The following TRIQK variants were observed in gnomAD, a reference collection of about 807,000 sequenced individuals.
TRIQK encodes the protein triple QxxK/R motif-containing protein.
A neutral mutation model predicts 10.8 loss-of-function variants in TRIQK; 10 were observed. The observed-to-expected ratio is 0.92, with a 90% CI of 0.57 to 1.57. The LOEUF (loss-of-function observed/expected upper bound fraction) is 1.57, where lower values mean the gene tolerates loss of function less well. Among genes scored for constraint, TRIQK ranks in the 40% most tolerant of loss-of-function variants. The pLI is 0.00. For missense variants in TRIQK, 107 were observed against 97.7 expected, an observed-to-expected ratio of 1.09 and a Z score of -0.40; for synonymous variants, 33 against 33.7, an observed-to-expected ratio of 0.98 and a Z score of 0.07.
intron 1 of TRIQK, among the ~76,000 whole-genome samples, chr8:92,955,755 T>C (rs552507601): frequency 6.6e-6 from 1 of 151,942 alleles, no homozygotes; most frequent in South Asian, 2.1e-4. Flanking sequence ...AATTTTTAAA[T>C]GGGCAAAGTA....
intron 2 of TRIQK, among the ~76,000 whole-genome samples, chr8:92,950,904 A>G (rs1811862082): frequency 6.6e-6 from 1 of 152,110 alleles, no homozygotes; most frequent in South Asian, 2.1e-4. Flanking sequence ...CTCCATAGCC[A>G]TCAGGGATTG....
intron 1 of TRIQK, among the ~76,000 whole-genome samples, chr8:93,016,909 A>T (rs1813389236): frequency 6.6e-6 from 1 of 152,220 alleles, no homozygotes; most frequent in African/African-American, 2.4e-5. Context: ...TGGCATATGC[A>T]TATGATGTAA....
At chr8:92,919,150 T>C (rs966136149) in intron 2 of TRIQK, among the ~76,000 whole-genome samples, 3 of 151,856 alleles carry the variant, frequency 2.0e-5, no homozygotes, top group Non-Finnish European at 4.4e-5. Flanking sequence ...TGAAATCAGA[T>C]AGTGTGATTC....
At chr8:92,944,974 T>C (rs1383898274) in intron 2 of TRIQK, among the ~76,000 whole-genome samples, 1 of 152,124 alleles carries the variant, frequency 6.6e-6, no homozygotes, top group African/African-American at 2.4e-5. Context: ...CCTATAAATA[T>C]GTATATTTAT....
chr8:92,941,383 G>GA (rs1365288601), intron 2 of TRIQK: 4 of 151,946 alleles, frequency 2.6e-5, no homozygotes, highest in Non-Finnish European at 2.9e-5. Context: ...AGCCAAAAGG[G>GA]AAATTTAAAA....
intron 1 of TRIQK, among the ~76,000 whole-genome samples, chr8:92,981,773 A>G (rs1349572532): frequency 6.6e-6 from 1 of 151,774 alleles, no homozygotes; most frequent in Non-Finnish European, 1.5e-5. Context: ...AAGCTTTTCT[A>G]TTGCCAACGA....
chr8:92,911,902 C>CAT (rs3061292), intron 3 of TRIQK, among the ~76,000 whole-genome samples: 33,444 of 140,314 alleles, frequency 0.24, 4,485 homozygotes, highest in African/African-American at 0.38. Context: ...TGTGTGTAGA[C>CAT]ATATATATAT....
At chr8:92,925,303 G>A (rs1302286151) in intron 2 of TRIQK, among the ~76,000 whole-genome samples, 3 of 151,798 alleles carry the variant, frequency 2.0e-5, no homozygotes, top group African/African-American at 4.8e-5. Context: ...AAGTTACTAG[G>A]GAAAATATTA....
intron 1 of TRIQK, among the ~76,000 whole-genome samples, chr8:92,979,907 G>T (rs1812969288): frequency 1.3e-5 from 2 of 152,016 alleles, no homozygotes; most frequent in Non-Finnish European, 2.9e-5. Flanking sequence ...AATTATATAT[G>T]AAAGATAGAG....
intron 4 of TRIQK, among the ~76,000 whole-genome samples, chr8:92,891,446 C>G (rs2130261917): frequency 6.6e-6 from 1 of 151,946 alleles, no homozygotes; most frequent in South Asian, 2.1e-4. Flanking sequence ...TGTGTTAGCA[C>G]ATTAAATTAA....
upstream of TRIQK, among the ~76,000 whole-genome samples, chr8:92,967,625 C>A (rs562544892): frequency 1.5e-4 from 23 of 151,898 alleles, no homozygotes; most frequent in Non-Finnish European, 3.4e-4. Context: ...AGTTCCAGAC[C>A]AGCCTGGCCA....
upstream of TRIQK, among the ~76,000 whole-genome samples, chr8:92,966,400 A>G (rs1812753312): frequency 6.6e-6 from 1 of 152,210 alleles, no homozygotes; most frequent in African/African-American, 2.4e-5. Context: ...CCCATCTCAC[A>G]CACACACACT....
upstream of TRIQK, among the ~76,000 whole-genome samples, chr8:92,970,715 T>G (rs935077956): frequency 4.6e-5 from 7 of 152,198 alleles, no homozygotes; most frequent in Non-Finnish European, 1.5e-5. Flanking sequence ...GTCAGATGGA[T>G]AGACTGCAAA....
At chr8:92,935,058 C>T (rs1458159178) in intron 2 of TRIQK, among the ~76,000 whole-genome samples, 1 of 151,712 alleles carries the variant, frequency 6.6e-6, no homozygotes, top group South Asian at 2.1e-4. Context: ...TTTGTGCCAG[C>T]TTTTTATCTT....
At chr8:92,935,556 T>C (rs1810943660) in intron 2 of TRIQK, among the ~76,000 whole-genome samples, 1 of 151,134 alleles carries the variant, frequency 6.6e-6, no homozygotes, top group Admixed American at 6.6e-5. Context: ...AAGGAAATAA[T>C]AGAAAAAGAA....
At chr8:93,008,875 C>A (rs1813300178) in intron 1 of TRIQK, among the ~76,000 whole-genome samples, 1 of 152,158 alleles carries the variant, frequency 6.6e-6, no homozygotes, top group South Asian at 2.1e-4. Context: ...AACCATGAAG[C>A]TACTAGGAAA....
intron 1 of TRIQK, among the ~76,000 whole-genome samples, chr8:92,992,573 C>T (rs1176688201): frequency 6.6e-6 from 1 of 152,166 alleles, no homozygotes; most frequent in Non-Finnish European, 1.5e-5. Context: ...AGAGATGACA[C>T]AGTTTGGCTG....
chr8:92,924,639 G>T (rs1013181060), intron 2 of TRIQK, among the ~76,000 whole-genome samples: 3 of 148,836 alleles, frequency 2.0e-5, no homozygotes, highest in African/African-American at 7.4e-5. Context: ...TTAAGGAAAT[G>T]AAAAAAAAAG....
chr8:92,890,782 T>C (rs144055058), intron 4 of TRIQK, among the ~76,000 whole-genome samples: 1 of 151,950 alleles, frequency 6.6e-6, no homozygotes, highest in Non-Finnish European at 1.5e-5. Flanking sequence ...TAAAAGTAAA[T>C]GACATATTGC....
Sources: allele counts gnomAD v4.1 joint callset (sites outside exome capture counted in the v4.1 genomes callset), GRCh38; gene constraint gnomAD v4.1.1; transcripts MANE v1.5; gene names NCBI Gene and HGNC (gene_info 2026-07-23, HGNC 2026-07-21).